Variants in PRSS35 observed in about 807,000 individuals in gnomAD.
The protein encoded by PRSS35 is serine protease 35, also known as inactive serine protease 35.
A neutral mutation model predicts 8.1 loss-of-function variants in PRSS35; 7 were observed. The observed-to-expected ratio is 0.86, with a 90% CI of 0.49 to 1.62. The LOEUF (loss-of-function observed/expected upper bound fraction) is 1.62, where lower values mean the gene tolerates loss of function less well. Among genes scored for constraint, PRSS35 ranks in the 40% most tolerant of loss-of-function variants. The pLI, the probability that PRSS35 is intolerant of heterozygous loss-of-function variation, is 0.00. For synonymous variants in PRSS35, 199 were observed against 188.7 expected (o/e 1.05, Z -0.45); for missense variants, 566 against 518.0 (o/e 1.09, Z -0.90).
In PRSS35 at chr6:83,524,396, C is replaced by A. The variant is rs1032336788; in HGVS notation, c.955C>A (p.Gln319Lys). Residue 319 changes from glutamine (Q) to lysine (K), a missense_variant, in exon 2 of 2, where the codon CAG becomes AAG. Physicochemically the swap from Gln to Lys is moderately conservative, Grantham distance 53 (BLOSUM62 1). Transcript: ENST00000369700. Reference sequence around the variant, plus strand: ...AGGATTTGATAACGATAGGGCTGATCAGTTGGTCTATCGGTTTTGCAGTGT... The same window carrying A: ...AGGATTTGATAACGATAGGGCTGATAAGTTGGTCTATCGGTTTTGCAGTGT... ...FSGFDNDRAD[Q>K]LVYRFCSVSD... The A allele has an allele frequency of 6.2e-7, 1 of 1,614,158 alleles. No homozygotes were observed. The highest frequency in any genetic ancestry group is 1.3e-5 in the African/African-American group (1 of 75,034).
At chr6:83,515,861 G>T (rs764330868) in intron 1 of PRSS35, among the ~76,000 whole-genome samples, 18 of 151,842 alleles carry the variant, frequency 1.2e-4, no homozygotes, top group Non-Finnish European at 2.4e-4. Context: ...TGTTGCCCAG[G>T]CTGGAGTGCA....
Position 83,524,846 on chromosome 6 carries a change from TA to T in PRSS35, c.*164del, listed in dbSNP as rs995989753. 1.3e-6 allele frequency: 1 copy of T among 743,026 alleles called. No homozygotes were observed. The highest frequency in any genetic ancestry group is 3.3e-5 in the Admixed American group (1 of 30,574). The allele number at this position is 743,026 out of a possible 1,614,324, so 46.0% of individuals were successfully genotyped here. A position where few individuals can be genotyped will look rare whatever the true frequency, so the allele number is the denominator to read the frequency against. On this transcript the variant is annotated 3_prime_UTR_variant, in exon 2 of 2. Transcript: ENST00000369700. Reference sequence around the variant, plus strand: ...GATTTTCGTCCATTTAAAAAATGTATAGGTGCAGATATTGAAACTAGGTGGG... The same window carrying T: ...GATTTTCGTCCATTTAAAAAATGTATGGTGCAGATATTGAAACTAGGTGGG...
At chr6:83,516,171 T>C (rs1771709400) in intron 1 of PRSS35, among the ~76,000 whole-genome samples, 1 of 152,202 alleles carries the variant, frequency 6.6e-6, no homozygotes, top group South Asian at 2.1e-4. Context: ...AAAACTCGAT[T>C]CTCACCTTTG....
intron 1 of PRSS35, among the ~76,000 whole-genome samples, chr6:83,514,434 C>T (rs1480748847): frequency 6.6e-6 from 1 of 152,158 alleles, no homozygotes; most frequent in East Asian, 1.9e-4. Context: ...AAATAATCAA[C>T]TGTGTAACTT....
intron 1 of PRSS35, among the ~76,000 whole-genome samples, chr6:83,516,049 A>G (rs1358906768): frequency 6.6e-6 from 1 of 151,286 alleles, no homozygotes; most frequent in African/African-American, 2.4e-5. Context: ...TCCTCACCTC[A>G]AGTGATCCGC....
At chr6:83,518,660 A>G (rs1028220561) in intron 1 of PRSS35, among the ~76,000 whole-genome samples, 6 of 152,240 alleles carry the variant, frequency 3.9e-5, no homozygotes, top group African/African-American at 1.2e-4. Flanking sequence ...CTTGAAATAA[A>G]AATATTTGAC....
chr6:83,521,815 C>A (rs1318402799), intron 1 of PRSS35, among the ~76,000 whole-genome samples: 1 of 151,894 alleles, frequency 6.6e-6, no homozygotes, highest in Non-Finnish European at 1.5e-5. Flanking sequence ...TTAATATTTC[C>A]AAATGTATAA....
chr6:83,515,580 C>CTGCAGCG (rs745892258), intron 1 of PRSS35, among the ~76,000 whole-genome samples: 16 of 152,242 alleles, frequency 1.1e-4, no homozygotes, highest in Non-Finnish European at 2.4e-4. Flanking sequence ...TCACAGCTCA[C>CTGCAGCG]TGCAGCGTCC....
At chr6:83,512,760 C>T (rs1372170375) in intron 1 of PRSS35, 66 bp downstream of exon 1, 2 of 152,248 alleles carry the variant, frequency 1.3e-5, no homozygotes, top group Non-Finnish European at 2.9e-5. Context: ...AAAGGCAGGA[C>T]CTACCCGAGG....
chr6:83,517,854 G>T (rs73482819), intron 1 of PRSS35, among the ~76,000 whole-genome samples: 2,103 of 152,304 alleles, frequency 0.014, 45 homozygotes, highest in African/African-American at 0.048. Context: ...GTAGAGGGTG[G>T]TGTTGGCCCT....
intron 1 of PRSS35, among the ~76,000 whole-genome samples, chr6:83,520,945 C>T (rs1288154126): frequency 6.6e-6 from 1 of 152,116 alleles, no homozygotes; most frequent in Non-Finnish European, 1.5e-5. Flanking sequence ...TTAAGATATA[C>T]CAAATGAGAT....
chr6:83,522,328 C>G (rs1210290522), intron 1 of PRSS35, among the ~76,000 whole-genome samples: 1 of 152,030 alleles, frequency 6.6e-6, no homozygotes, highest in Non-Finnish European at 1.5e-5. Context: ...ACTATACCCA[C>G]CTCCAAGCAA....
At chr6:83,514,810 G>T (rs1771683079) in intron 1 of PRSS35, among the ~76,000 whole-genome samples, 1 of 152,188 alleles carries the variant, frequency 6.6e-6, no homozygotes, top group South Asian at 2.1e-4. Context: ...TTGTCTGACT[G>T]TAGACAGCAT....
chr6:83,515,446 A>T (rs1250023859), intron 1 of PRSS35, among the ~76,000 whole-genome samples: 1 of 152,230 alleles, frequency 6.6e-6, no homozygotes, highest in Non-Finnish European at 1.5e-5. Flanking sequence ...TTAAAATAAC[A>T]CATTTTCATT....
intron 1 of PRSS35, among the ~76,000 whole-genome samples, chr6:83,521,772 G>C (rs535356831): frequency 4.8e-4 from 73 of 152,126 alleles, no homozygotes; most frequent in Middle Eastern, 3.4e-3. Context: ...AAAGTGCTGG[G>C]ATTACAGGTG....
In PRSS35 at chr6:83,523,743, A is replaced by G. The variant is rs1333634046; in HGVS notation, c.302A>G (p.Gln101Arg). 1 of 1,614,184 alleles carries G rather than the reference A, an allele frequency of 6.2e-7. No individual in the cohort carries two copies. The highest frequency in any genetic ancestry group is 1.1e-5 in the South Asian group (1 of 91,088). Residue 101 changes from glutamine (Q) to arginine (R), a missense_variant, in exon 2 of 2, where the codon CAA becomes CGA. Physicochemically the swap from Gln to Arg is conservative, Grantham distance 43. Transcript: ENST00000369700. ...GTRTLTRVKV[Q>R]DLVLEPTQNI... is the part of the protein sequence containing the mutation. The stretch of plus-strand genomic sequence containing the variant: ...CGAACCTTAACCAGGGTGAAAGTTC[A>G]AGATTTGGTTCTTGAGCCGACTCAA...
intron 1 of PRSS35, among the ~76,000 whole-genome samples, chr6:83,514,666 T>C (rs1771680290): frequency 6.6e-6 from 1 of 152,218 alleles, no homozygotes; most frequent in Non-Finnish European, 1.5e-5. Context: ...ACGTGAAATA[T>C]TTGGCAGGTT....
At position 83,523,990 on chromosome 6, in the gene PRSS35, G is replaced by T; in HGVS notation, c.549G>T (p.Lys183Asn). 6.2e-7 allele frequency: 1 copy of T among 1,614,144 alleles called. No individual in the cohort carries two copies. The highest frequency in any genetic ancestry group is 8.5e-7 in the Non-Finnish European group (1 of 1,180,032). ...AGGACTATGTCAAAGGGAGTAAAAA[G>T]CTAAGGGTAGGGTTGTTGAAGATGA... is the stretch of plus-strand genomic sequence containing the variant. ...DGKDYVKGSK[K>N]LRVGLLKMRN... Residue 183 changes from lysine to asparagine, a missense_variant, in exon 2 of 2, where the codon AAG becomes AAT. Transcript: ENST00000369700.
At position 83,523,476 on chromosome 6, in the gene PRSS35, C is replaced by A. The variant is rs372948717; in HGVS notation, c.35C>A (p.Thr12Asn). 1 of 1,613,988 alleles carries A rather than the reference C, an allele frequency of 6.2e-7. No individual in the cohort carries two copies. Among genetic ancestry groups the A allele is most frequent in the Non-Finnish European group, 8.5e-7 (1 of 1,179,950 alleles). The part of the protein sequence containing the change: ...ENMLLWLIFF[T>N]PGWTLIDGSE... Reference sequence around the variant, plus strand: ...ATGCTGCTTTGGTTGATATTTTTCACCCCTGGGTGGACCCTCATTGATGGA... The same window carrying A: ...ATGCTGCTTTGGTTGATATTTTTCAACCCTGGGTGGACCCTCATTGATGGA... The change falls in exon 2 of 2, where the codon ACC becomes AAC. Residue 12 changes from threonine to asparagine, a missense_variant. Coordinates refer to ENST00000369700, the MANE Select transcript of PRSS35 (RefSeq NM_153362.3).
Sources: gnomAD v4.1 joint callset for allele counts (sites outside exome capture counted in the v4.1 genomes callset) on GRCh38, gnomAD v4.1.1 for gene constraint, MANE v1.5 for transcripts, NCBI Gene and HGNC (gene_info 2026-07-23, HGNC 2026-07-21) for gene names.